The following ZNF28 variants were observed in gnomAD, a reference collection of about 807,000 sequenced individuals.
ZNF28 encodes zinc finger protein 28, also known as zinc finger protein KOX24.
ZNF28 carries 5 observed loss-of-function variants against 7.2 expected under a neutral mutation model. The ratio of observed to expected loss-of-function variants is 0.70; its 90% CI spans 0.36 to 1.46. The LOEUF is 1.46. Ranked by LOEUF, ZNF28 falls within the 40% of genes most tolerant of loss-of-function variation. ZNF28 has a pLI of 0.03. For missense variants in ZNF28, 879 were observed against 866.6 expected (o/e 1.01, Z -0.18); for synonymous variants, 288 against 292.4 (o/e 0.99, Z 0.15).
chr19:52,800,403 T>A lies in ZNF28; in HGVS notation c.1442A>T (p.His481Leu), dbSNP rs150655137. ...ATGAATCCTCCTATGTCTTTCAAGG[T>A]GTGATTTGCACCTGAAAACTTTGTC... ...ECDKVFRCKS[H>L]LERHRRIHTG... Residue 481 changes from histidine (H) to leucine (L), a missense_variant, in exon 4 of 4, where the codon CAC becomes CTC. His to Leu is a moderately conservative substitution (Grantham distance 99). This residue lies in a region of ZNF28 where 864 missense variants were observed against 830.2 expected (regional missense o/e 1.04). Transcript: ENST00000457749. The A allele has an allele frequency of 4.2e-3, 6,859 of 1,614,070 alleles. 27 individuals carry two copies. Among genetic ancestry groups the A allele is most frequent in the Non-Finnish European group, 5.2e-3 (6,120 of 1,180,008 alleles).
Position 52,812,131 on chromosome 19 carries a change from G to A in ZNF28, c.16-3998C>T, listed in dbSNP as rs1198836063. 2.1e-4 allele frequency among the ~76,000 whole-genome samples: 26 copies of A among 122,064 alleles called. 2 individuals carry two copies. Among genetic ancestry groups the A allele is most frequent in the African/African-American group, 9.7e-4 (23 of 23,750 alleles). 80.1% of individuals were successfully genotyped at this position (122,064 alleles called of 152,430 possible). ...CTCTGCCTGGCCAGCCGCCCCGTCC[G>A]GGAGGGTGGTGGGGGGGTCAGCCCC... On this transcript the variant is annotated intron_variant, in intron 2 of 3. Transcript: ENST00000457749.
chr19:52,802,491 A>G (rs1314811133), intron 3 of ZNF28, among the ~76,000 whole-genome samples: 3 of 152,164 alleles, frequency 2.0e-5, no homozygotes, highest in Non-Finnish European at 4.4e-5. Context: ...CAGCCTGGCC[A>G]ATGTGGCAAA....
At chr19:52,820,535 A>C (rs1307398811) in intron 1 of ZNF28, among the ~76,000 whole-genome samples, 13 of 151,460 alleles carry the variant, frequency 8.6e-5, no homozygotes, top group African/African-American at 2.4e-4. Context: ...CTCTGTTATA[A>C]CCCCCTGGAC....
At position 52,798,280 on chromosome 19, in the gene ZNF28, G is replaced by A. The variant is rs566489356; in HGVS notation, c.*1408C>T. 4 of 197,160 alleles carry A rather than the reference G, an allele frequency of 2.0e-5. No individual in the cohort carries two copies. The highest frequency in any genetic ancestry group is 1.7e-4 in the South Asian group (2 of 11,992). The allele number at this position is 197,160 out of a possible 1,614,324, so 12.2% of individuals were successfully genotyped here. ...CTCTCAAAGTGCTGGCATTGCAGGCGTGAGCCACAGTGCCCAGCCCAGTCC... is the reference window on the plus strand; with the variant it reads ...CTCTCAAAGTGCTGGCATTGCAGGCATGAGCCACAGTGCCCAGCCCAGTCC... On this transcript the variant is annotated 3_prime_UTR_variant, in exon 4 of 4. Transcript: ENST00000457749.
chr19:52,810,504 G>A, intron 2 of ZNF28: 2 of 1,588,220 alleles, frequency 1.3e-6, no homozygotes, highest in Non-Finnish European at 1.7e-6. Flanking sequence ...CTATTTAGAG[G>A]AAGGCAAATC....
chr19:52,808,488 C>A (rs1156935074), intron 2 of ZNF28, among the ~76,000 whole-genome samples: 1 of 151,800 alleles, frequency 6.6e-6, no homozygotes, highest in Non-Finnish European at 1.5e-5. Flanking sequence ...CAGTAAGAGA[C>A]AGGCTGGGCA....
rs1171454995 is a variant in ZNF28, at chr19:52,806,733, C to T, written c.142+1274G>A. Among the ~76,000 whole-genome samples the T allele has an allele frequency of 2.6e-5, 4 of 151,860 alleles. No individual in the cohort carries two copies. The East Asian group carries it at 7.7e-4, about 29-fold the overall frequency. ...CCTGGCCAACATGGTGAAACACTGT[C>T]TCTACTAAAAACACAAAAATTAGCT... is the stretch of plus-strand genomic sequence containing the variant. On this transcript the variant is annotated intron_variant, in intron 3 of 3. Transcript: ENST00000457749.
At chr19:52,804,850 G>A (rs2062916534) in intron 3 of ZNF28, among the ~76,000 whole-genome samples, 1 of 152,214 alleles carries the variant, frequency 6.6e-6, no homozygotes, top group African/African-American at 2.4e-5. Flanking sequence ...AGAGACAGGA[G>A]AAAGAGCATC....
At chr19:52,802,211 T>C (rs2062881020) in intron 3 of ZNF28, among the ~76,000 whole-genome samples, 1 of 151,998 alleles carries the variant, frequency 6.6e-6, no homozygotes, top group Non-Finnish European at 1.5e-5. Flanking sequence ...TAACAAAAGA[T>C]TATAAAAATT....
chr19:52,810,530 C>A, intron 2 of ZNF28: 1 of 1,596,518 alleles, frequency 6.3e-7, no homozygotes, highest in South Asian at 1.1e-5. Flanking sequence ...GATCCCAAAG[C>A]GAACCAACAG....
rs927107071 is a variant in ZNF28 at position 52,815,529 on chromosome 19, TA to T, written c.15+2414del. 5.4e-4 allele frequency among the ~76,000 whole-genome samples: 76 copies of T among 141,096 alleles called. 9 individuals are homozygous for T. The highest frequency in any genetic ancestry group is 3.9e-3 in the Middle Eastern group (1 of 258). 92.6% of individuals were successfully genotyped at this position (141,096 alleles called of 152,430 possible). On this transcript the variant is annotated intron_variant, in intron 2 of 3. Transcript: ENST00000457749. Reference sequence around the variant, plus strand: ...CATAACTCAGTCTCAAAAAAATAAATAAAAAAAATAACTGTCTGGGCGTGGT... The same window carrying T: ...CATAACTCAGTCTCAAAAAAATAAATAAAAAAATAACTGTCTGGGCGTGGT...
At chr19:52,816,928 A>G (rs1322510225) in intron 2 of ZNF28, among the ~76,000 whole-genome samples, 3 of 151,498 alleles carry the variant, frequency 2.0e-5, no homozygotes, top group Admixed American at 6.6e-5. Flanking sequence ...GTACTCTCCA[A>G]TATTAGAGAA....
rs1390735178 is a variant in ZNF28 at position 52,801,440 on chromosome 19, A to G, written c.405T>C (p.His135=). 9.3e-6 allele frequency: 15 copies of G among 1,614,102 alleles called. No individual in the cohort carries two copies. The highest frequency in any genetic ancestry group is 2.2e-5 in the East Asian group (1 of 44,888). ...QHDQRHAGNK[H]IKDQLGLSFH... is the part of the protein sequence containing the mutation. ...AGCTTAATCCAAGCTGATCTTTAAT[A>G]TGCTTGTTTCCAGCATGCCTTTGAT... Residue 135 remains histidine, a synonymous_variant, in exon 4 of 4, where the codon CAT becomes CAC. Coordinates refer to ENST00000457749, the MANE Select transcript of ZNF28 (RefSeq NM_006969.5).
chr19:52,815,993 A>T (rs1038472909), intron 2 of ZNF28, among the ~76,000 whole-genome samples: 1 of 146,778 alleles, frequency 6.8e-6, no homozygotes, highest in African/African-American at 2.6e-5. Context: ...TTACAACAGA[A>T]TTTTTTTTAA....
At position 52,811,014 on chromosome 19, in the gene ZNF28, C is replaced by T. The variant is rs867501275; in HGVS notation, c.16-2881G>A. ...GCCTGATTCTCCTGCCTCAGCCTGC[C>T]GAGTGCCTGCGATTGCAGGCACGCG... On this transcript the variant is annotated intron_variant, in intron 2 of 3. Coordinates refer to ENST00000457749, the MANE Select transcript of ZNF28 (RefSeq NM_006969.5). 9.0e-3 allele frequency among the ~76,000 whole-genome samples: 1,283 copies of T among 142,520 alleles called. 24 individuals are homozygous for T. The highest frequency in any genetic ancestry group is 0.031 in the African/African-American group (1,208 of 39,336). The allele number at this position is 142,520 out of a possible 152,430, so 93.5% of individuals were successfully genotyped here. A position where few individuals can be genotyped will look rare whatever the true frequency, so the allele number is the denominator to read the frequency against.
intron 2 of ZNF28, chr19:52,810,374 C>T (rs1174898085): frequency 5.0e-6 from 8 of 1,604,918 alleles, no homozygotes; most frequent in Non-Finnish European, 6.8e-6. Flanking sequence ...ACTTTCATGG[C>T]TGTGGTTCAG....
At chr19:52,809,816 C>CGGCGAA (rs2062990655) in intron 2 of ZNF28, 3 of 527,570 alleles carry the variant, frequency 5.7e-6, no homozygotes, top group Non-Finnish European at 6.6e-6. Flanking sequence ...CCAGTCTGAG[C>CGGCGAA]GGCGAAGGCG....
Position 52,820,167 on chromosome 19 carries a change from G to A in ZNF28, c.-74+1419C>T, listed in dbSNP as rs1286187233. 3.5e-4 allele frequency among the ~76,000 whole-genome samples: 38 copies of A among 108,440 alleles called. 4 individuals are homozygous for A. The highest frequency in any genetic ancestry group is 5.8e-4 in the Non-Finnish European group (31 of 53,186). The allele number at this position is 108,440 out of a possible 152,430, so 71.1% of individuals were successfully genotyped here. A position where few individuals can be genotyped will look rare whatever the true frequency, so the allele number is the denominator to read the frequency against. On this transcript the variant is annotated intron_variant, in intron 1 of 3. Coordinates refer to ENST00000457749, the MANE Select transcript of ZNF28 (RefSeq NM_006969.5). The stretch of plus-strand genomic sequence containing the variant: ...GCTCTGTCGTCCAGGCCGGACTGCG[G>A]ACTGCAGTGGCGCAATCTCGGCTCA...
Position 52,800,979 on chromosome 19 carries a change from TGAAG to T in ZNF28, c.862_865del (p.Leu288ThrfsTer31), listed in dbSNP as rs2062860919. On this transcript the variant is annotated frameshift_variant, in exon 4 of 4. Coordinates refer to ENST00000457749, the MANE Select transcript of ZNF28 (RefSeq NM_006969.5). LOFTEE classifies it low-confidence loss of function (END_TRUNC). ...TTTGTCTGCAGTATGAAGCGCCTTG[TGAAG>T]GAAGAGGGATGTATTGTGACCAAAG... 1.9e-6 allele frequency: 3 copies of T among 1,614,050 alleles called. No homozygotes were observed. The highest frequency in any genetic ancestry group is 2.5e-6 in the Non-Finnish European group (3 of 1,180,020).
Sources: allele counts gnomAD v4.1 joint callset (sites outside exome capture counted in the v4.1 genomes callset), GRCh38; gene constraint gnomAD v4.1.1; regional missense constraint gnomAD v4.1.1; transcripts MANE v1.5; gene names NCBI Gene and HGNC (gene_info 2026-07-23, HGNC 2026-07-21).